Variants in NPTX2 observed in about 807,000 individuals in gnomAD.
NPTX2 encodes the protein neuronal pentraxin-2.
In NPTX2, 23 loss-of-function variants were observed where a neutral mutation model predicts 38.1. The observed-to-expected ratio is 0.60, with a 90% CI of 0.43 to 0.85. The LOEUF (loss-of-function observed/expected upper bound fraction) is 0.85, where lower values mean the gene tolerates loss of function less well. Ranked by LOEUF, NPTX2 falls within the 40% of genes least tolerant of loss-of-function variation. The probability of loss-of-function intolerance (pLI) is 0.00; values close to 1 mark genes in which losing one functional copy is unlikely to be tolerated. For synonymous variants in NPTX2, 291 were observed against 287.3 expected, an observed-to-expected ratio of 1.01 and a Z score of -0.13; for missense variants, 553 against 615.3, an observed-to-expected ratio of 0.90 and a Z score of 1.07.
At chr7:98,621,126 C>G (rs1791263832) in intron 2 of NPTX2, among the ~76,000 whole-genome samples, 1 of 152,182 alleles carries the variant, frequency 6.6e-6, no homozygotes, top group East Asian at 1.9e-4. Flanking sequence ...TTCTCTCACT[C>G]AAGGCCAATG....
At chr7:98,618,309 G>A (rs935647402) in intron 1 of NPTX2, among the ~76,000 whole-genome samples, 1 of 152,158 alleles carries the variant, frequency 6.6e-6, no homozygotes, top group African/African-American at 2.4e-5. Context: ...CTGCGAGGCT[G>A]CCGCGGGAGG....
intron 2 of NPTX2, among the ~76,000 whole-genome samples, chr7:98,622,700 C>T (rs959250288): frequency 6.6e-6 from 1 of 152,218 alleles, no homozygotes; most frequent in Non-Finnish European, 1.5e-5. Context: ...CTAGTCCCAG[C>T]CTTCACTCTG....
rs193234760 is a variant in NPTX2, at chr7:98,618,186, C to T, written c.426+299C>T. 6.0e-4 allele frequency among the ~76,000 whole-genome samples: 91 copies of T among 152,298 alleles called. 1 individual carries two copies. Among genetic ancestry groups the T allele is most frequent in the Non-Finnish European group, 1.1e-3 (77 of 68,016 alleles). On this transcript the variant is annotated intron_variant, in intron 1 of 4. Coordinates refer to ENST00000265634, the MANE Select transcript of NPTX2 (RefSeq NM_002523.3). ...CTTCCCGAGGTCCGGGCTAGCGAAC[C>T]CAGACGGCCAAGCCGCGGGCGCCAA...
Position 98,628,709 on chromosome 7 carries a change from T to C in NPTX2, c.*80T>C. ...GGGCCATAGACTGCCCCACTTAAAC[T>C]CTTGTCAGTCTGGGCTCAGGGTTCC... On this transcript the variant is annotated 3_prime_UTR_variant, in exon 5 of 5. Transcript: ENST00000265634. The C allele has an allele frequency of 1.6e-6, 1 of 644,288 alleles. No homozygotes were observed. Among genetic ancestry groups the C allele is most frequent in the Non-Finnish European group, 2.7e-6 (1 of 372,504 alleles). 39.9% of individuals were successfully genotyped at this position (644,288 alleles called of 1,614,324 possible). A position where few individuals can be genotyped will look rare whatever the true frequency, so the allele number is the denominator to read the frequency against.
At chr7:98,622,921 G>C (rs1189339533) in intron 2 of NPTX2, among the ~76,000 whole-genome samples, 3 of 152,188 alleles carry the variant, frequency 2.0e-5, no homozygotes, top group Middle Eastern at 3.2e-3. Flanking sequence ...AAGGGGATAG[G>C]GGGTTCTTCT....
At position 98,629,774 on chromosome 7, in the gene NPTX2, C is replaced by T. The variant is rs898228648; in HGVS notation, c.*1145C>T. On this transcript the variant is annotated 3_prime_UTR_variant, in exon 5 of 5. Transcript: ENST00000265634. The stretch of plus-strand genomic sequence containing the variant: ...TTTGAAGTGCAAATCTGTGGATATT[C>T]CATTTGTAGGACCAAGTCGACATGC... 3 of 152,256 alleles carry T rather than the reference C, an allele frequency of 2.0e-5. No individual in the cohort carries two copies. The highest frequency in any genetic ancestry group is 2.0e-4 in the Admixed American group (3 of 15,256). 9.4% of individuals were successfully genotyped at this position (152,256 alleles called of 1,614,324 possible).
In NPTX2 at chr7:98,629,527, C is replaced by T. The variant is rs767581587; in HGVS notation, c.*898C>T. ...TCCGCCCCACTGTGAAGAGTGTGCT[C>T]GTTTTAAATTCATGTTGATTCTTGT... On this transcript the variant is annotated 3_prime_UTR_variant, in exon 5 of 5. Transcript: ENST00000265634. 45 of 152,188 alleles carry T rather than the reference C, an allele frequency of 3.0e-4. No individual in the cohort carries two copies. Among genetic ancestry groups the T allele is most frequent in the Non-Finnish European group, 3.7e-4 (25 of 67,986 alleles). 9.4% of individuals were successfully genotyped at this position (152,188 alleles called of 1,614,324 possible).
intron 1 of NPTX2, among the ~76,000 whole-genome samples, chr7:98,618,544 C>T (rs1260848014): frequency 3.4e-5 from 5 of 146,670 alleles, no homozygotes; most frequent in Non-Finnish European, 7.5e-5. Context: ...GGGGAAGGGA[C>T]CTCATTCCCT....
Position 98,627,294 on chromosome 7 carries a change from C to T in NPTX2, c.1018C>T (p.Pro340Ser), listed in dbSNP as rs1222283377. 6.2e-7 allele frequency: 1 copy of T among 1,613,946 alleles called. No individual in the cohort carries two copies. The highest frequency in any genetic ancestry group is 8.5e-7 in the Non-Finnish European group (1 of 1,179,948). ...EKLGTGENLA[P>S]WHPIKPGGVL... ...GCTGGGCACTGGGGAGAACCTGGCC[C>T]CCTGGCACCCCATCAAGCCCGGGGG... The change falls in exon 4 of 5, where the codon CCC (proline) becomes TCC (serine). Residue 340 changes from proline to serine, a missense_variant. Pro to Ser is a moderately conservative substitution (Grantham distance 74, BLOSUM62 -1). Coordinates refer to ENST00000265634, the MANE Select transcript of NPTX2 (RefSeq NM_002523.3).
chr7:98,627,489 G>A, intron 4 of NPTX2, 145 bp downstream of exon 4: 1 of 690,670 alleles, frequency 1.4e-6, no homozygotes. Flanking sequence ...CCCGGCCCCA[G>A]CTGTTGGCCC....
At chr7:98,626,044 G>T (rs551484265) in intron 3 of NPTX2, among the ~76,000 whole-genome samples, 1 of 151,632 alleles carries the variant, frequency 6.6e-6, no homozygotes. Context: ...TACTCGGGAG[G>T]CTGAGGCAGG....
At chr7:98,627,468 C>A in intron 4 of NPTX2, 124 bp downstream of exon 4, 1 of 754,842 alleles carries the variant, frequency 1.3e-6, no homozygotes, top group Non-Finnish European at 2.1e-6. Context: ...AGGCCTGCAG[C>A]TGTTCCTGCT....
At chr7:98,621,465 G>A (rs1791268680) in intron 2 of NPTX2, among the ~76,000 whole-genome samples, 1 of 152,174 alleles carries the variant, frequency 6.6e-6, no homozygotes, top group South Asian at 2.1e-4. Context: ...ACTCAGCTCT[G>A]GGATGTGCTT....
In NPTX2 at chr7:98,629,253, C is replaced by CA. The variant is rs1554365759; in HGVS notation, c.*624_*625insA. On this transcript the variant is annotated 3_prime_UTR_variant, in exon 5 of 5. Coordinates refer to ENST00000265634, the MANE Select transcript of NPTX2 (RefSeq NM_002523.3). ...GTCTGTGTCTCCAGAAAGGGGACAT[C>CA]GGGGGGGAGGGGGGCTCAGAAAGGA... 1.3e-5 allele frequency: 2 copies of CA among 152,390 alleles called. No individual in the cohort carries two copies. Among genetic ancestry groups the CA allele is most frequent in the Non-Finnish European group, 2.9e-5 (2 of 68,026 alleles). The allele number at this position is 152,390 out of a possible 1,614,324, so 9.4% of individuals were successfully genotyped here.
At chr7:98,621,866 G>A (rs1056429923) in intron 2 of NPTX2, among the ~76,000 whole-genome samples, 1 of 152,240 alleles carries the variant, frequency 6.6e-6, no homozygotes, top group Non-Finnish European at 1.5e-5. Context: ...GCAGAGCTGG[G>A]AGTGAAGTTG....
intron 3 of NPTX2, among the ~76,000 whole-genome samples, chr7:98,626,653 G>A (rs1031707185): frequency 1.3e-5 from 2 of 152,196 alleles, no homozygotes; most frequent in Non-Finnish European, 2.9e-5. Context: ...GGACCGCCAG[G>A]GACCCGGCCA....
At chr7:98,622,068 A>AGTCCAGGCCAGCT (rs1791279283) in intron 2 of NPTX2, among the ~76,000 whole-genome samples, 2 of 152,202 alleles carry the variant, frequency 1.3e-5, no homozygotes, top group South Asian at 4.1e-4. Flanking sequence ...GGGCCTCCAG[A>AGTCCAGGCCAGCT]GTCCAGGCCA....
intron 2 of NPTX2, among the ~76,000 whole-genome samples, chr7:98,620,498 C>T (rs777998519): frequency 6.6e-6 from 1 of 152,228 alleles, no homozygotes; most frequent in Non-Finnish European, 1.5e-5. Flanking sequence ...TCTTTCATCC[C>T]TTTCCTAGTC....
At chr7:98,619,575 C>T in intron 1 of NPTX2, 68 bp from the exon 2 acceptor site, 1 of 1,378,792 alleles carries the variant, frequency 7.3e-7, no homozygotes, top group Non-Finnish European at 1.0e-6. Context: ...GTCGGGCCAT[C>T]ACAGCCACAT....
Sources: allele counts gnomAD v4.1 joint callset (sites outside exome capture counted in the v4.1 genomes callset), GRCh38; gene constraint gnomAD v4.1.1; transcripts MANE v1.5; gene names NCBI Gene and HGNC (gene_info 2026-07-23, HGNC 2026-07-21).